The following CCDC7 variants were observed in gnomAD, a reference collection of about 807,000 sequenced individuals.
CCDC7 encodes the protein coiled-coil domain-containing protein 7.
CCDC7 carries 183 observed loss-of-function variants against 196.9 expected under a neutral mutation model. That is an observed-to-expected ratio of 0.93 (90% CI 0.82 to 1.05). CCDC7 has a LOEUF of 1.05. Ranked by LOEUF, CCDC7 falls within the 50% of genes least tolerant of loss-of-function variation. The pLI is 0.00. For synonymous variants in CCDC7, 525 were observed against 484.6 expected, an observed-to-expected ratio of 1.08 and a Z score of -1.10; for missense variants, 1,540 against 1,482.2, an observed-to-expected ratio of 1.04 and a Z score of -0.64.
At chr10:32,614,012 C>T (rs114779904) in intron 18 of CCDC7, among the ~76,000 whole-genome samples, 2,921 of 152,158 alleles carry the variant, frequency 0.019, 97 homozygotes, top group African/African-American at 0.066. Flanking sequence ...AGGGTGTTAA[C>T]GTCTCCCACT....
chr10:32,620,143 G>T (rs531342183), intron 18 of CCDC7, among the ~76,000 whole-genome samples: 22 of 151,542 alleles, frequency 1.5e-4, no homozygotes, highest in African/African-American at 4.4e-4. Context: ...GGCTGGTCTC[G>T]ATCTCCTGGC....
intron 9 of CCDC7, among the ~76,000 whole-genome samples, chr10:32,496,215 T>A (rs2042897035): frequency 6.6e-6 from 1 of 152,198 alleles, no homozygotes; most frequent in African/African-American, 2.4e-5. Context: ...TAGGAATACT[T>A]GTGATTTTTG....
intron 8 of CCDC7, among the ~76,000 whole-genome samples, chr10:32,486,773 G>A (rs1219719991): frequency 1.3e-5 from 2 of 150,066 alleles, no homozygotes; most frequent in East Asian, 3.9e-4. Flanking sequence ...CTGGATATGA[G>A]ATTCTGGGTT....
At position 32,703,802 on chromosome 10, in the gene CCDC7, C is replaced by G. The variant is rs11598682; in HGVS notation, c.2459-7818C>G. Among the ~76,000 whole-genome samples, 6 of 151,970 alleles carry G rather than the reference C, an allele frequency of 3.9e-5. No individual in the cohort carries two copies. The East Asian group carries it at 1.2e-3, about 29-fold the overall frequency. ...ACTGATACCCTTTCTTCCAGTTGATCGAATCAGCTACTGAGGCTTGTGCAT... is the reference window on the plus strand; with the variant it reads ...ACTGATACCCTTTCTTCCAGTTGATGGAATCAGCTACTGAGGCTTGTGCAT... On this transcript the variant is annotated intron_variant, in intron 24 of 41. Transcript: ENST00000639629.
chr10:32,732,101 T>C (rs547400327), intron 28 of CCDC7, among the ~76,000 whole-genome samples: 7 of 152,152 alleles, frequency 4.6e-5, no homozygotes, highest in Non-Finnish European at 1.0e-4. Context: ...CCTTTCTATA[T>C]ATTAATAATT....
chr10:32,568,006 G>GTTGTTTT (rs537103642), intron 15 of CCDC7, 115 bp downstream of exon 16: 3 of 598,364 alleles, frequency 5.0e-6, no homozygotes, highest in Non-Finnish European at 6.6e-6. Flanking sequence ...CTGTTTTTGG[G>GTTGTTTT]TTTTTTTTTT....
At chr10:32,846,788 C>T (rs546276675) in intron 37 of CCDC7, among the ~76,000 whole-genome samples, 1 of 152,190 alleles carries the variant, frequency 6.6e-6, no homozygotes, top group Non-Finnish European at 1.5e-5. Flanking sequence ...AGCAGAAAGG[C>T]AAAAGCACAA....
chr10:32,625,804 G>T (rs899222213), intron 18 of CCDC7, among the ~76,000 whole-genome samples: 6 of 150,176 alleles, frequency 4.0e-5, no homozygotes, highest in Non-Finnish European at 8.9e-5. Context: ...TCTTCCACAT[G>T]TAAGTGAAAA....
chr10:32,492,920 CAT>C (rs1312677621), intron 9 of CCDC7, among the ~76,000 whole-genome samples: 1 of 151,998 alleles, frequency 6.6e-6, no homozygotes, highest in Non-Finnish European at 1.5e-5. Context: ...CCTGTAAACT[CAT>C]TTAATTTCTT....
intron 29 of CCDC7, among the ~76,000 whole-genome samples, chr10:32,797,490 CA>C (rs2083845818): frequency 6.6e-6 from 1 of 151,828 alleles, no homozygotes; most frequent in Non-Finnish European, 1.5e-5. Flanking sequence ...AAGAATGACA[CA>C]ATGGACTTTG....
In CCDC7 at chr10:32,873,010, T is replaced by C. The variant is rs565448561; in HGVS notation, c.4112-3337T>C. The stretch of plus-strand genomic sequence containing the variant: ...TCAACTTTGGTGAATCTGACAATTA[T>C]GTGTCTTGGATTTGCTCTTCTCGAG... On this transcript the variant is annotated intron_variant, in intron 41 of 41. Transcript: ENST00000639629. Among the ~76,000 whole-genome samples, 3 of 152,258 alleles carry C rather than the reference T, an allele frequency of 2.0e-5. No homozygotes were observed. In the South Asian group the frequency reaches 6.2e-4, roughly 32 times the overall value.
At chr10:32,490,721 C>A (rs1393174681) in intron 8 of CCDC7, among the ~76,000 whole-genome samples, 1 of 152,026 alleles carries the variant, frequency 6.6e-6, no homozygotes, top group Non-Finnish European at 1.5e-5. Context: ...GGCAGTGAAC[C>A]CGGGAGGCAG....
chr10:32,795,939 C>A (rs958073042), intron 29 of CCDC7, among the ~76,000 whole-genome samples: 3 of 152,104 alleles, frequency 2.0e-5, no homozygotes, highest in East Asian at 1.9e-4. Flanking sequence ...ATTAAATTTT[C>A]TCTTGCTGCG....
chr10:32,620,553 C>T (rs1188979411), intron 18 of CCDC7, among the ~76,000 whole-genome samples: 1 of 151,388 alleles, frequency 6.6e-6, no homozygotes, highest in African/African-American at 2.4e-5. Flanking sequence ...ACTTGATTGC[C>T]ATTTATAATT....
intron 28 of CCDC7, among the ~76,000 whole-genome samples, chr10:32,777,455 A>G (rs2134226676): frequency 6.6e-6 from 1 of 152,178 alleles, no homozygotes; most frequent in East Asian, 1.9e-4. Context: ...AGAAATCTCC[A>G]AACTGCTCTC....
At chr10:32,551,523 G>A (rs2053475797) in intron 13 of CCDC7, among the ~76,000 whole-genome samples, 1 of 151,882 alleles carries the variant, frequency 6.6e-6, no homozygotes, top group Non-Finnish European at 1.5e-5. Context: ...TGTTTTTGAG[G>A]TACACTTTTA....
chr10:32,734,400 A>C (rs1646057322), intron 28 of CCDC7, among the ~76,000 whole-genome samples: 1 of 152,172 alleles, frequency 6.6e-6, no homozygotes, highest in African/African-American at 2.4e-5. Flanking sequence ...ATGAGAACTC[A>C]TGAACACAAA....
intron 3 of CCDC7, among the ~76,000 whole-genome samples, chr10:32,457,355 CT>C (rs962088912): frequency 6.6e-6 from 1 of 152,022 alleles, no homozygotes. Flanking sequence ...AGAGTGAAAT[CT>C]TTTTTGGAAC....
At chr10:32,837,874 A>G (rs1202639196) in intron 33 of CCDC7, among the ~76,000 whole-genome samples, 2 of 145,584 alleles carry the variant, frequency 1.4e-5, no homozygotes, top group African/African-American at 2.5e-5. Context: ...GAATTGAACA[A>G]TGAGAACACA....
Sources: gnomAD v4.1 joint callset for allele counts (sites outside exome capture counted in the v4.1 genomes callset) on GRCh38, gnomAD v4.1.1 for gene constraint, MANE v1.5 for transcripts, NCBI Gene and HGNC (gene_info 2026-07-23, HGNC 2026-07-21) for gene names.